SERPINB11: variants seen among roughly 807,000 people sequenced by gnomAD.
SERPINB11 encodes the protein serpin family B member 11, also known as serpin B11.
SERPINB11 carries 32 observed loss-of-function variants against 36.7 expected under a neutral mutation model. The ratio of observed to expected loss-of-function variants is 0.87; its 90% CI spans 0.66 to 1.17. The LOEUF is 1.17. Among genes scored for constraint, SERPINB11 ranks in the 50% most tolerant of loss-of-function variants. SERPINB11 has a pLI of 0.00. For synonymous variants in SERPINB11, 174 were observed against 168.1 expected (o/e 1.04, Z -0.27); for missense variants, 528 against 458.4 (o/e 1.15, Z -1.39).
chr18:63,708,105 G>T (rs1389936002), intron 1 of SERPINB11, among the ~76,000 whole-genome samples: 1 of 152,228 alleles, frequency 6.6e-6, no homozygotes, highest in Admixed American at 6.5e-5. Context: ...TATGTTGAAG[G>T]TATGCAAGGA....
At chr18:63,718,782 G>GT in intron 5 of SERPINB11, among the ~76,000 whole-genome samples, 1 of 152,072 alleles carries the variant, frequency 6.6e-6, no homozygotes, top group African/African-American at 2.4e-5. Flanking sequence ...GTCAAGTTTA[G>GT]TAATAGGTGA....
intron 4 of SERPINB11, 81 bp from the exon 5 acceptor site, chr18:63,715,954 T>C: frequency 8.7e-6 from 7 of 808,566 alleles, no homozygotes; most frequent in Non-Finnish European, 1.4e-5. Flanking sequence ...TGCATTAGAA[T>C]TTTAGAATAC....
intron 1 of SERPINB11, among the ~76,000 whole-genome samples, chr18:63,709,347 C>A (rs1165963855): frequency 1.3e-5 from 2 of 152,098 alleles, no homozygotes; most frequent in Non-Finnish European, 2.9e-5. Flanking sequence ...CATGGTGGCT[C>A]ACGCCTGTAA....
At chr18:63,721,559 G>C (rs1438188981) in intron 7 of SERPINB11, among the ~76,000 whole-genome samples, 1 of 152,228 alleles carries the variant, frequency 6.6e-6, no homozygotes, top group East Asian at 1.9e-4. Flanking sequence ...CTGGAAGCCT[G>C]CAGAAGCTGA....
At chr18:63,715,836 C>A (rs1022737654) in intron 4 of SERPINB11, among the ~76,000 whole-genome samples, 199 bp from the exon 5 acceptor site, 1 of 152,082 alleles carries the variant, frequency 6.6e-6, no homozygotes, top group African/African-American at 2.4e-5. Flanking sequence ...TCTGAACATT[C>A]CTTTTGGAAG....
intron 4 of SERPINB11, among the ~76,000 whole-genome samples, chr18:63,714,793 C>A (rs1284657409): frequency 6.6e-6 from 1 of 152,038 alleles, no homozygotes; most frequent in African/African-American, 2.4e-5. Flanking sequence ...ACAATTTGTG[C>A]AGTTAACGCA....
At chr18:63,719,919 T>C in intron 5 of SERPINB11, 94 bp from the exon 6 acceptor site, 1 of 1,043,878 alleles carries the variant, frequency 9.6e-7, no homozygotes, top group South Asian at 2.1e-5. Context: ...CAATTAGTCT[T>C]AAAAAAGAAA....
Position 63,710,270 on chromosome 18 carries a change from A to T in SERPINB11, c.77A>T (p.Asp26Val). The T allele has an allele frequency of 1.2e-6, 2 of 1,613,714 alleles. No individual in the cohort carries two copies. The highest frequency in any genetic ancestry group is 2.2e-5 in the East Asian group (1 of 44,864). ...FKELNSNNIG[D>V]NIFFSSLSLL... is the part of the protein sequence containing the mutation. ...GAGCTGAACAGTAACAACATAGGAG[A>T]TAACATCTTCTTTTCTTCGCTGAGT... The change falls in exon 2 of 8, where the codon GAT becomes GTT. Residue 26 changes from aspartate to valine, a missense_variant. Transcript: ENST00000544088.
intron 1 of SERPINB11, among the ~76,000 whole-genome samples, chr18:63,708,268 G>T (rs1914423875): frequency 6.6e-6 from 1 of 152,152 alleles, no homozygotes; most frequent in Non-Finnish European, 1.5e-5. Context: ...GAGTTTTTGA[G>T]CAGAGGAGTA....
chr18:63,707,341 G>C (rs1199829339), intron 1 of SERPINB11, among the ~76,000 whole-genome samples: 1 of 152,152 alleles, frequency 6.6e-6, no homozygotes, highest in Non-Finnish European at 1.5e-5. Context: ...CTTCTGACTA[G>C]GTGACATGAA....
At position 63,723,240 on chromosome 18, in the gene SERPINB11, C is replaced by T. The variant is rs760266308; in HGVS notation, c.1020C>T (p.Ser340=). The T allele has an allele frequency of 3.3e-5, 54 of 1,613,778 alleles. No homozygotes were observed. The highest frequency in any genetic ancestry group is 1.2e-4 in the African/African-American group (9 of 74,912). ...TCCACAAGTCATACCTGGATGTCAG[C>T]GAAGAGGGCACGGAGGCAGCAGCAG... is the stretch of plus-strand genomic sequence containing the variant. ...KAIHKSYLDV[S]EEGTEAAAAT... Residue 340 remains serine (S), a synonymous_variant, in exon 8 of 8, where the codon AGC becomes AGT. Coordinates refer to ENST00000544088, the MANE Select transcript of SERPINB11 (RefSeq NM_001370475.1).
chr18:63,703,214 T>TCTTTGAGCATCTG (rs1043224954), intron 1 of SERPINB11, among the ~76,000 whole-genome samples: 8 of 152,182 alleles, frequency 5.3e-5, no homozygotes, highest in Non-Finnish European at 8.8e-5. Context: ...CATTTAAAAA[T>TCTTTGAGCATCTG]CTTTGAGGCA....
intron 4 of SERPINB11, among the ~76,000 whole-genome samples, chr18:63,713,704 G>C (rs894884942): frequency 2.0e-5 from 3 of 152,156 alleles, no homozygotes; most frequent in African/African-American, 7.2e-5. Flanking sequence ...AGAGTGTCTA[G>C]AGTGGCAGGG....
intron 7 of SERPINB11, among the ~76,000 whole-genome samples, chr18:63,721,881 G>A (rs1422394819): frequency 6.6e-6 from 1 of 152,230 alleles, no homozygotes; most frequent in African/African-American, 2.4e-5. Context: ...AAGTCAGAGG[G>A]AATCAGGTCC....
chr18:63,722,302 T>C (rs1438537674), intron 7 of SERPINB11, among the ~76,000 whole-genome samples: 2 of 152,188 alleles, frequency 1.3e-5, no homozygotes, highest in African/African-American at 4.8e-5. Context: ...AGATGGGATG[T>C]GACACAGCAT....
chr18:63,722,249 T>C (rs936202197), intron 7 of SERPINB11, among the ~76,000 whole-genome samples: 1 of 152,206 alleles, frequency 6.6e-6, no homozygotes, highest in Non-Finnish European at 1.5e-5. Flanking sequence ...ATTGTCATGG[T>C]AGGCAGTAGT....
chr18:63,708,525 T>A (rs1914430302), intron 1 of SERPINB11, among the ~76,000 whole-genome samples: 2 of 152,128 alleles, frequency 1.3e-5, no homozygotes, highest in Admixed American at 1.3e-4. Context: ...TTAAGGATGA[T>A]CACAAGGTTT....
chr18:63,720,580 A>G (rs1384733118), intron 6 of SERPINB11: 1 of 409,032 alleles, frequency 2.4e-6, no homozygotes, highest in Non-Finnish European at 4.3e-6. Context: ...AAAAATCCTG[A>G]CTTTGTTTTT....
At chr18:63,717,927 G>A (rs1237489551) in intron 5 of SERPINB11, among the ~76,000 whole-genome samples, 1 of 151,910 alleles carries the variant, frequency 6.6e-6, no homozygotes, top group African/African-American at 2.4e-5. Context: ...GTATTTTCTA[G>A]TTTGTGAAAA....
Sources: gnomAD v4.1 joint callset for allele counts (sites outside exome capture counted in the v4.1 genomes callset) on GRCh38, gnomAD v4.1.1 for gene constraint, MANE v1.5 for transcripts, NCBI Gene and HGNC (gene_info 2026-07-23, HGNC 2026-07-21) for gene names.